TRIM37: variants seen among roughly 807,000 people sequenced by gnomAD.
The protein encoded by TRIM37 is E3 ubiquitin-protein ligase TRIM37.
TRIM37 carries 80 observed loss-of-function variants against 129.8 expected under a neutral mutation model. The ratio of observed to expected loss-of-function variants is 0.62; its 90% CI spans 0.51 to 0.74. TRIM37 has a LOEUF of 0.74. TRIM37 is among the 30% of genes least tolerant of loss of function. The pLI is 0.00. For synonymous variants in TRIM37, 389 were observed against 387.1 expected (o/e 1.00, Z -0.06); for missense variants, 1,054 against 1,176.5 (o/e 0.90, Z 1.52).
chr17:58,983,655 A>G (rs1192055610), intron 24 of TRIM37: 2 of 152,618 alleles, frequency 1.3e-5, no homozygotes, highest in African/African-American at 4.8e-5. Context: ...ATAAACTGTT[A>G]ATGCTGAGGT....
chr17:59,093,680 T>C (rs937008230), intron 2 of TRIM37, among the ~76,000 whole-genome samples: 1 of 152,112 alleles, frequency 6.6e-6, no homozygotes, highest in South Asian at 2.1e-4. Context: ...ATTTTAAATG[T>C]CTCCCTCCCT....
chr17:59,087,363 G>A (rs2043851073), intron 4 of TRIM37, among the ~76,000 whole-genome samples: 1 of 151,800 alleles, frequency 6.6e-6, no homozygotes, highest in South Asian at 2.1e-4. Flanking sequence ...CCAAAGTGCT[G>A]AGATTATAGG....
chr17:59,075,249 G>A (rs770740478), intron 8 of TRIM37, among the ~76,000 whole-genome samples: 73 of 151,226 alleles, frequency 4.8e-4, no homozygotes, highest in Non-Finnish European at 8.5e-4. Context: ...GATAATCTCT[G>A]TCAAAAAAAA....
At chr17:59,063,862 C>G (rs1381940264) in intron 10 of TRIM37, among the ~76,000 whole-genome samples, 1 of 152,156 alleles carries the variant, frequency 6.6e-6, no homozygotes, top group Non-Finnish European at 1.5e-5. Context: ...TAAAATGGTT[C>G]CTCACTTTGG....
At chr17:58,980,654 A>T, downstream of TRIM37, 1 of 1,614,166 alleles carries the variant, frequency 6.2e-7, no homozygotes. The surrounding 1 kb of genome is among the most constrained non-coding windows in gnomAD (Gnocchi z 4.7). Context: ...CACTGCTTTC[A>T]ATTTGGGTTC....
At chr17:58,993,316 C>T (rs2032641117), downstream of TRIM37, among the ~76,000 whole-genome samples, 1 of 152,184 alleles carries the variant, frequency 6.6e-6, no homozygotes, top group Non-Finnish European at 1.5e-5. Context: ...CAGCATGTAA[C>T]ACTCTAGAGA....
intron 21 of TRIM37, among the ~76,000 whole-genome samples, chr17:59,013,166 T>C (rs1308885391): frequency 2.0e-5 from 3 of 152,096 alleles, no homozygotes; most frequent in African/African-American, 7.2e-5. Flanking sequence ...TTATTTGAGA[T>C]AGAGTCTCAC....
At chr17:59,067,168 T>C (rs1599314260) in intron 9 of TRIM37, among the ~76,000 whole-genome samples, 4 of 152,366 alleles carry the variant, frequency 2.6e-5, no homozygotes, top group African/African-American at 9.6e-5. Flanking sequence ...TGCTAGGCCA[T>C]CTAATTCCAC....
At chr17:59,084,421 A>C (rs950195170) in intron 4 of TRIM37, among the ~76,000 whole-genome samples, 1 of 152,192 alleles carries the variant, frequency 6.6e-6, no homozygotes, top group Non-Finnish European at 1.5e-5. Context: ...TGTGCTTAAT[A>C]ATCATATTGA....
At chr17:58,996,892 C>T (rs1392926695), downstream of TRIM37, among the ~76,000 whole-genome samples, 1 of 151,740 alleles carries the variant, frequency 6.6e-6, no homozygotes, top group Admixed American at 6.6e-5. Flanking sequence ...TAAGGGCCTT[C>T]CCAATAATGC....
the TRIM37 span, among the ~76,000 whole-genome samples, chr17:58,971,581 A>G: frequency 6.6e-6 from 1 of 152,246 alleles, no homozygotes; most frequent in Non-Finnish European, 1.5e-5. Context: ...TAAGCATCTT[A>G]GTACTCCAGG....
rs1304391510 is a variant in TRIM37 at position 59,015,694 on chromosome 17, T to C, written c.2492A>G (p.Lys831Arg). ...CACAACAGCATCTGAATCCAAAGCT[T>C]TACACTGCCGGTCTTCAGTTTTTGG... ...ILPKTEDRQC[K>R]ALDSDAVVVA... Residue 831 changes from lysine to arginine, a missense_variant, in exon 21 of 24, where the codon AAA becomes AGA. Transcript: ENST00000262294. 10 of 1,613,982 alleles carry C rather than the reference T, an allele frequency of 6.2e-6. No homozygotes were observed. The Admixed American group carries it at 8.3e-5, about 13-fold the overall frequency.
chr17:59,035,154 G>A (rs982237175), intron 17 of TRIM37, among the ~76,000 whole-genome samples: 5 of 152,050 alleles, frequency 3.3e-5, no homozygotes, highest in Admixed American at 6.6e-5. Flanking sequence ...CCACCTCCCA[G>A]TTTCAAATGA....
Position 58,999,218 on chromosome 17 carries a change from C to T in TRIM37, c.*159G>A, listed in dbSNP as rs2033353568. ...TGTACTACTGCTGTCTTAGACTAAA[C>T]TGTGCCACCTTCCAACAGTTTCCAA... On this transcript the variant is annotated 3_prime_UTR_variant, in exon 24 of 24. Transcript: ENST00000262294. 1 of 1,529,624 alleles carries T rather than the reference C, an allele frequency of 6.5e-7. No homozygotes were observed. The highest frequency in any genetic ancestry group is 8.8e-7 in the Non-Finnish European group (1 of 1,140,816). 94.8% of individuals were successfully genotyped at this position (1,529,624 alleles called of 1,614,324 possible).
intron 8 of TRIM37, among the ~76,000 whole-genome samples, chr17:59,074,367 T>C (rs2042633773): frequency 6.6e-6 from 1 of 152,174 alleles, no homozygotes; most frequent in South Asian, 2.1e-4. Context: ...TTGGTATCCA[T>C]TAAGGTCCTG....
chr17:58,995,972 G>C (rs2032945807), downstream of TRIM37, among the ~76,000 whole-genome samples: 1 of 151,842 alleles, frequency 6.6e-6, no homozygotes. Flanking sequence ...CACCACTACA[G>C]CATGGGTAAC....
intron 17 of TRIM37, among the ~76,000 whole-genome samples, chr17:59,039,567 A>T (rs1418257412): frequency 6.6e-6 from 1 of 151,940 alleles, no homozygotes; most frequent in Non-Finnish European, 1.5e-5. Context: ...GGATGGTCTC[A>T]ATCTGCTGAC....
intron 17 of TRIM37, among the ~76,000 whole-genome samples, chr17:59,037,873 G>T (rs57581987): frequency 2.0e-5 from 3 of 151,964 alleles, no homozygotes; most frequent in Non-Finnish European, 2.9e-5. Flanking sequence ...GACTCTTCTG[G>T]TCTATGACAG....
Position 59,041,817 on chromosome 17 carries a change from G to C in TRIM37, c.1749C>G (p.Pro583=), listed in dbSNP as rs373784343. The part of the protein sequence containing the change: ...ELMEDAAAAG[P]AGSSHGYVGS... ...GCAGTGGAGTGACCTCATTACCTGCGGGTCCTGCAGCAGCTGCATCTTCCA... is the reference window on the plus strand; with the variant it reads ...GCAGTGGAGTGACCTCATTACCTGCCGGTCCTGCAGCAGCTGCATCTTCCA... Residue 583 remains proline (P), a synonymous_variant, in exon 17 of 24, where the codon CCC becomes CCG. Coordinates refer to ENST00000262294, the MANE Select transcript of TRIM37 (RefSeq NM_015294.6). 6.2e-7 allele frequency: 1 copy of C among 1,612,808 alleles called. No homozygotes were observed. Among genetic ancestry groups the C allele is most frequent in the Non-Finnish European group, 8.5e-7 (1 of 1,179,082 alleles).
Sources: gnomAD v4.1 joint callset for allele counts (sites outside exome capture counted in the v4.1 genomes callset) on GRCh38, gnomAD v4.1.1 for gene constraint, Gnocchi (gnomAD v3.1) non-coding constraint, MANE v1.5 for transcripts, NCBI Gene and HGNC (gene_info 2026-07-23, HGNC 2026-07-21) for gene names.